SLC24A3: variants seen among roughly 807,000 people sequenced by gnomAD.
The protein encoded by SLC24A3 is solute carrier family 24 member 3.
In SLC24A3, 28 loss-of-function variants were observed where a neutral mutation model predicts 75.8. The observed-to-expected ratio is 0.37, with a 90% CI of 0.27 to 0.51. SLC24A3 has a LOEUF of 0.51. Among genes scored for constraint, SLC24A3 ranks in the 20% least tolerant of loss-of-function variants. SLC24A3 has a pLI of 0.94. For synonymous variants in SLC24A3, 372 were observed against 334.1 expected, an observed-to-expected ratio of 1.11 and a Z score of -1.24; for missense variants, 663 against 847.8, an observed-to-expected ratio of 0.78 and a Z score of 2.71.
chr20:19,374,988 C>G lies in SLC24A3; in HGVS notation c.271+93901C>G, dbSNP rs569092428. Among the ~76,000 whole-genome samples, 13 of 152,152 alleles carry G rather than the reference C, an allele frequency of 8.5e-5. No individual in the cohort carries two copies. The South Asian group carries it at 2.7e-3, about 32-fold the overall frequency. ...CACTGAGTCTGTGTTTTTATTTTTC[C>G]CAGAGTTTCTGCTAGTAGGAAGCCC... On this transcript the variant is annotated intron_variant, in intron 2 of 16. Coordinates refer to ENST00000328041, the MANE Select transcript of SLC24A3 (RefSeq NM_020689.4).
chr20:19,364,194 C>A (rs979231708), intron 2 of SLC24A3, among the ~76,000 whole-genome samples: 1 of 152,114 alleles, frequency 6.6e-6, no homozygotes, highest in Non-Finnish European at 1.5e-5. Context: ...GATCACCAAC[C>A]GTGTGGGTCT....
chr20:19,670,828 G>A (rs190809404), intron 8 of SLC24A3, among the ~76,000 whole-genome samples: 11 of 152,322 alleles, frequency 7.2e-5, no homozygotes, highest in Non-Finnish European at 1.5e-4. Flanking sequence ...CACCTGCACA[G>A]ATGAGCTGAT....
chr20:19,256,292 A>T (rs1982810943), intron 1 of SLC24A3, among the ~76,000 whole-genome samples: 1 of 152,174 alleles, frequency 6.6e-6, no homozygotes, highest in Non-Finnish European at 1.5e-5. Flanking sequence ...AGCTCCATAG[A>T]GACAGAAAGC....
chr20:19,258,643 A>G (rs1417621004), intron 1 of SLC24A3, among the ~76,000 whole-genome samples: 2 of 152,212 alleles, frequency 1.3e-5, no homozygotes, highest in African/African-American at 4.8e-5. Flanking sequence ...CGGAAGTTGC[A>G]GTGAGCTGAG....
chr20:19,397,660 T>C (rs1986479931), intron 2 of SLC24A3, among the ~76,000 whole-genome samples: 1 of 149,662 alleles, frequency 6.7e-6, no homozygotes, highest in African/African-American at 2.4e-5. Flanking sequence ...TTTTTTTTTT[T>C]TTTTTTTGAG....
intron 3 of SLC24A3, among the ~76,000 whole-genome samples, chr20:19,578,546 G>A (rs548108386): frequency 7.7e-4 from 117 of 151,926 alleles, no homozygotes; most frequent in Non-Finnish European, 1.4e-3. Context: ...ACCTGTCCCT[G>A]ACTCTCCACT....
At chr20:19,583,525 A>G (rs2031249573) in intron 4 of SLC24A3, among the ~76,000 whole-genome samples, 2 of 152,276 alleles carry the variant, frequency 1.3e-5, no homozygotes, top group East Asian at 3.9e-4. Context: ...AGATATTGCC[A>G]GGGCTGAAGT....
intron 2 of SLC24A3, among the ~76,000 whole-genome samples, chr20:19,487,515 G>A (rs1487530638): frequency 6.6e-6 from 1 of 152,116 alleles, no homozygotes; most frequent in Non-Finnish European, 1.5e-5. Context: ...TGCCTGATTT[G>A]GTAGGAAACC....
intron 2 of SLC24A3, among the ~76,000 whole-genome samples, chr20:19,387,023 C>A (rs1986283929): frequency 6.6e-6 from 1 of 152,082 alleles, no homozygotes; most frequent in Non-Finnish European, 1.5e-5. Context: ...AATCTCCTTA[C>A]TCGTTATTGG....
At chr20:19,663,930 C>T (rs889430591) in intron 7 of SLC24A3, among the ~76,000 whole-genome samples, 1 of 152,132 alleles carries the variant, frequency 6.6e-6, no homozygotes, top group Non-Finnish European at 1.5e-5. Context: ...CCAGGGTGAG[C>T]GATCTCCAAG....
intron 2 of SLC24A3, among the ~76,000 whole-genome samples, chr20:19,452,989 G>A (rs537302317): frequency 2.6e-5 from 4 of 152,194 alleles, no homozygotes; most frequent in East Asian, 3.9e-4. Context: ...CAAGACCAGC[G>A]TGGCCAAGAT....
At chr20:19,239,177 G>A (rs571781139) in intron 1 of SLC24A3, among the ~76,000 whole-genome samples, 2 of 151,376 alleles carry the variant, frequency 1.3e-5, no homozygotes, top group South Asian at 4.2e-4. Context: ...AAATTACTGT[G>A]TCTTGGGCCA....
intron 2 of SLC24A3, among the ~76,000 whole-genome samples, chr20:19,316,602 C>G (rs1009623163): frequency 1.3e-5 from 2 of 152,206 alleles, no homozygotes; most frequent in Non-Finnish European, 2.9e-5. Flanking sequence ...AGCCATAAAT[C>G]AGCCAGACAC....
chr20:19,331,501 C>T (rs1490965345), intron 2 of SLC24A3, among the ~76,000 whole-genome samples: 1 of 152,094 alleles, frequency 6.6e-6, no homozygotes, highest in Non-Finnish European at 1.5e-5. Context: ...GATAGATAAA[C>T]AGAATGCTAA....
intron 2 of SLC24A3, among the ~76,000 whole-genome samples, chr20:19,442,500 A>T (rs1987313062): frequency 6.6e-6 from 1 of 152,192 alleles, no homozygotes; most frequent in African/African-American, 2.4e-5. Context: ...TGTCATCTGT[A>T]CATCTTCTTT....
intron 2 of SLC24A3, among the ~76,000 whole-genome samples, chr20:19,478,749 G>A (rs1328841532): frequency 1.3e-5 from 2 of 152,156 alleles, no homozygotes; most frequent in East Asian, 3.9e-4. Context: ...AGGCTCACCA[G>A]GCCATTCAAA....
intron 6 of SLC24A3, among the ~76,000 whole-genome samples, chr20:19,603,372 C>A (rs564166777): frequency 1.3e-5 from 2 of 152,170 alleles, no homozygotes; most frequent in African/African-American, 4.8e-5. Flanking sequence ...ACCCTAATTT[C>A]TCTCCTTTTC....
chr20:19,311,301 A>G (rs4813352), intron 2 of SLC24A3, among the ~76,000 whole-genome samples: 78,542 of 151,856 alleles, frequency 0.52, 22,573 homozygotes, highest in African/African-American at 0.77. Flanking sequence ...GGGCCCGCGG[A>G]TGGGTTCTCT....
chr20:19,596,080 G>T (rs2031449206), intron 6 of SLC24A3, among the ~76,000 whole-genome samples: 4 of 152,176 alleles, frequency 2.6e-5, no homozygotes, highest in Admixed American at 1.3e-4. Context: ...TCATGCTGAG[G>T]ATATGGGTGC....
Sources: allele counts gnomAD v4.1 joint callset (sites outside exome capture counted in the v4.1 genomes callset), GRCh38; gene constraint gnomAD v4.1.1; transcripts MANE v1.5; gene names NCBI Gene and HGNC (gene_info 2026-07-23, HGNC 2026-07-21).